The following LRRC8D variants were observed in gnomAD, a reference collection of about 807,000 sequenced individuals.
LRRC8D encodes volume-regulated anion channel subunit LRRC8D.
LRRC8D carries 20 observed loss-of-function variants against 55.8 expected under a neutral mutation model. The ratio of observed to expected loss-of-function variants is 0.36; its 90% CI spans 0.25 to 0.52. The LOEUF (loss-of-function observed/expected upper bound fraction) is 0.52, where lower values mean the gene tolerates loss of function less well. LRRC8D is among the 20% of genes least tolerant of loss of function. The pLI is 0.93. For synonymous variants in LRRC8D, 352 were observed against 377.0 expected (o/e 0.93, Z 0.77); for missense variants, 651 against 1,030.8 (o/e 0.63, Z 5.05).
chr1:89,928,396 A>G (rs547614767), intron 2 of LRRC8D, among the ~76,000 whole-genome samples: 221 of 152,238 alleles, frequency 1.5e-3, no homozygotes, highest in Non-Finnish European at 1.9e-3. Flanking sequence ...ATTAGACAAC[A>G]TGATAGCAAT....
chr1:89,876,560 T>C (rs546153755), intron 2 of LRRC8D, among the ~76,000 whole-genome samples: 1 of 152,208 alleles, frequency 6.6e-6, no homozygotes, highest in Non-Finnish European at 1.5e-5. Flanking sequence ...TTTCCCTGCC[T>C]GGTTAGAGCA....
At chr1:89,834,340 T>C (rs146675027) in intron 1 of LRRC8D, among the ~76,000 whole-genome samples, 77 of 152,366 alleles carry the variant, frequency 5.1e-4, no homozygotes, top group South Asian at 1.9e-3. Flanking sequence ...TAACAACGGC[T>C]ATCATGTTAG....
intron 2 of LRRC8D, among the ~76,000 whole-genome samples, chr1:89,853,065 A>G (rs1351037443): frequency 6.6e-6 from 1 of 152,244 alleles, no homozygotes; most frequent in Non-Finnish European, 1.5e-5. Context: ...TACCATCATA[A>G]TCCAGGCAGA....
intron 1 of LRRC8D, among the ~76,000 whole-genome samples, chr1:89,836,547 G>A (rs766350815): frequency 4.6e-5 from 7 of 152,268 alleles, no homozygotes; most frequent in Admixed American, 2.6e-4. Flanking sequence ...TTTTCCTAAC[G>A]AAGTCTTGTT....
chr1:89,850,541 TGTTA>T (rs1478659555), intron 2 of LRRC8D, among the ~76,000 whole-genome samples: 1 of 152,228 alleles, frequency 6.6e-6, no homozygotes, highest in East Asian at 1.9e-4. Context: ...TCTGTTCCTG[TGTTA>T]GTTTGCAAAG....
intron 2 of LRRC8D, among the ~76,000 whole-genome samples, chr1:89,931,539 T>C (rs1334355289): frequency 6.6e-6 from 1 of 152,078 alleles, no homozygotes; most frequent in African/African-American, 2.4e-5. Flanking sequence ...GGTGGGCAGA[T>C]CACAAGGTCA....
chr1:89,892,058 C>T (rs1372369860), intron 2 of LRRC8D, among the ~76,000 whole-genome samples: 1 of 152,176 alleles, frequency 6.6e-6, no homozygotes, highest in Non-Finnish European at 1.5e-5. Flanking sequence ...TGTGTAACCC[C>T]AGTTCATCCT....
intron 1 of LRRC8D, among the ~76,000 whole-genome samples, chr1:89,837,989 T>A (rs1389350796): frequency 6.6e-6 from 1 of 152,190 alleles, no homozygotes; most frequent in Non-Finnish European, 1.5e-5. Context: ...TTCTTAATAA[T>A]GAACATTATA....
At chr1:89,881,021 G>A (rs59388376) in intron 2 of LRRC8D, among the ~76,000 whole-genome samples, 1,535 of 152,266 alleles carry the variant, frequency 0.01, 20 homozygotes, top group African/African-American at 0.035. Flanking sequence ...ACTCTGGAAA[G>A]TGAAATTTTT....
At chr1:89,850,477 G>T (rs12036082) in intron 2 of LRRC8D, among the ~76,000 whole-genome samples, 1 of 152,104 alleles carries the variant, frequency 6.6e-6, no homozygotes, top group Non-Finnish European at 1.5e-5. Flanking sequence ...ATGTGTCCAT[G>T]TGTTCTCATC....
At chr1:89,907,108 C>T (rs1663014168) in intron 2 of LRRC8D, among the ~76,000 whole-genome samples, 1 of 150,586 alleles carries the variant, frequency 6.6e-6, no homozygotes. Context: ...TCATGTATCA[C>T]GTTCAGAACA....
chr1:89,910,549 T>A (rs894580084), intron 2 of LRRC8D, among the ~76,000 whole-genome samples: 10 of 152,236 alleles, frequency 6.6e-5, no homozygotes, highest in Non-Finnish European at 1.2e-4. Context: ...TGATTTTTTT[T>A]AATTTGTAGA....
chr1:89,891,697 G>A (rs531693005), intron 2 of LRRC8D, among the ~76,000 whole-genome samples: 1 of 152,332 alleles, frequency 6.6e-6, no homozygotes, highest in African/African-American at 2.4e-5. Context: ...CCACAATAAT[G>A]TTGATTATAA....
At chr1:89,920,914 CATTTG>C (rs1223868143) in intron 2 of LRRC8D, among the ~76,000 whole-genome samples, 1 of 152,102 alleles carries the variant, frequency 6.6e-6, no homozygotes, top group Non-Finnish European at 1.5e-5. Flanking sequence ...AGTTTGTTCT[CATTTG>C]ATTTATTTCA....
intron 2 of LRRC8D, among the ~76,000 whole-genome samples, chr1:89,890,860 A>G (rs1411454138): frequency 6.6e-6 from 1 of 152,102 alleles, no homozygotes; most frequent in African/African-American, 2.4e-5. Flanking sequence ...CCAAGCCATG[A>G]TGATAGTTCC....
At chr1:89,885,051 C>A (rs1662383559) in intron 2 of LRRC8D, among the ~76,000 whole-genome samples, 1 of 152,148 alleles carries the variant, frequency 6.6e-6, no homozygotes, top group Non-Finnish European at 1.5e-5. Context: ...ATCTCATATA[C>A]CATGGTATGA....
rs146867316 is a variant in LRRC8D at position 89,896,255 on chromosome 1, G to T, written c.-2-36812G>T. Among the ~76,000 whole-genome samples the T allele has an allele frequency of 3.9e-5, 6 of 152,272 alleles. No individual in the cohort carries two copies. In the East Asian group the frequency reaches 7.7e-4, roughly 20 times the overall value. On this transcript the variant is annotated intron_variant, in intron 2 of 2. Coordinates refer to ENST00000337338, the MANE Select transcript of LRRC8D (RefSeq NM_001134479.2). ...TAGAGGGGTGGATGAAGGTGGTAAA[G>T]GATAGATGGGAAGAGGCCAGGAGGT...
chr1:89,872,775 G>A (rs1023747590), intron 2 of LRRC8D, among the ~76,000 whole-genome samples: 1 of 152,100 alleles, frequency 6.6e-6, no homozygotes, highest in African/African-American at 2.4e-5. Context: ...TGCATCACTA[G>A]AGAACCTGCA....
chr1:89,879,470 T>A (rs1662226798), intron 2 of LRRC8D, among the ~76,000 whole-genome samples: 2 of 152,212 alleles, frequency 1.3e-5, no homozygotes, highest in Non-Finnish European at 2.9e-5. Flanking sequence ...GGTAGAGATG[T>A]TGAAATGGAT....
Sources: allele counts gnomAD v4.1 joint callset (sites outside exome capture counted in the v4.1 genomes callset), GRCh38; gene constraint gnomAD v4.1.1; transcripts MANE v1.5; gene names NCBI Gene and HGNC (gene_info 2026-07-23, HGNC 2026-07-21).